The following CCSER1 variants were observed in gnomAD, a reference collection of about 807,000 sequenced individuals.
CCSER1 encodes the protein coiled-coil serine rich protein 1.
In CCSER1, 41 loss-of-function variants were observed where a neutral mutation model predicts 82.0. That is an observed-to-expected ratio of 0.50 (90% CI 0.39 to 0.65). The LOEUF (loss-of-function observed/expected upper bound fraction) is 0.65. Among genes scored for constraint, CCSER1 ranks in the 30% least tolerant of loss-of-function variants. The pLI is 0.00. For synonymous variants in CCSER1, 414 were observed against 383.9 expected (o/e 1.08, Z -0.92); for missense variants, 1,119 against 1,064.2 (o/e 1.05, Z -0.72).
intron 1 of CCSER1, among the ~76,000 whole-genome samples, chr4:90,188,831 T>C (rs1735106753): frequency 6.6e-6 from 1 of 151,876 alleles, no homozygotes; most frequent in Non-Finnish European, 1.5e-5. Context: ...ATATTAACAC[T>C]CTTCAAAGAG....
chr4:90,347,331 A>ATCTG (rs1190209902), intron 3 of CCSER1, among the ~76,000 whole-genome samples: 12 of 151,874 alleles, frequency 7.9e-5, no homozygotes, highest in African/African-American at 2.9e-4. Context: ...CTATCTATCT[A>ATCTG]TCTATCTATC....
At chr4:90,476,609 A>G (rs1441163842) in intron 5 of CCSER1, among the ~76,000 whole-genome samples, 1 of 152,118 alleles carries the variant, frequency 6.6e-6, no homozygotes, top group Non-Finnish European at 1.5e-5. Flanking sequence ...TCGCTGGTTT[A>G]TATATATTGA....
At chr4:91,304,413 A>G (rs1449768507) in intron 10 of CCSER1, among the ~76,000 whole-genome samples, 1 of 152,068 alleles carries the variant, frequency 6.6e-6, no homozygotes, top group Non-Finnish European at 1.5e-5. Flanking sequence ...TACATTAGTT[A>G]ACTTTGTCAG....
chr4:90,886,008 C>T (rs1003535326), intron 8 of CCSER1, among the ~76,000 whole-genome samples: 7 of 152,080 alleles, frequency 4.6e-5, no homozygotes, highest in African/African-American at 1.4e-4. Context: ...CCTCCTGCCC[C>T]CAAGAGCTGT....
At chr4:91,489,527 G>A (rs925136207) in intron 10 of CCSER1, among the ~76,000 whole-genome samples, 17 of 152,016 alleles carry the variant, frequency 1.1e-4, no homozygotes, top group Non-Finnish European at 1.2e-4. Flanking sequence ...TTCCTAGGCC[G>A]GGCACGGTGG....
intron 10 of CCSER1, among the ~76,000 whole-genome samples, chr4:91,182,754 A>G (rs1409365437): frequency 1.3e-5 from 2 of 152,236 alleles, no homozygotes; most frequent in Non-Finnish European, 2.9e-5. Context: ...TGTGTAGCCC[A>G]AAGTGAGAAA....
At chr4:91,022,436 T>TCA (rs1406348040) in intron 9 of CCSER1, among the ~76,000 whole-genome samples, 1 of 152,136 alleles carries the variant, frequency 6.6e-6, no homozygotes, top group Non-Finnish European at 1.5e-5. Flanking sequence ...TGGTTCCAAG[T>TCA]CTTTGCTATT....
chr4:90,571,532 G>A (rs1780118435), intron 5 of CCSER1, among the ~76,000 whole-genome samples: 1 of 152,064 alleles, frequency 6.6e-6, no homozygotes, highest in South Asian at 2.1e-4. Context: ...TGTATAAGTG[G>A]GACTTAAACC....
chr4:90,725,675 T>A (rs947667911), intron 7 of CCSER1, among the ~76,000 whole-genome samples: 1 of 151,658 alleles, frequency 6.6e-6, no homozygotes, highest in Non-Finnish European at 1.5e-5. Flanking sequence ...TGTAAATGAG[T>A]AATATAATAC....
chr4:90,644,239 A>G (rs1484729710), intron 6 of CCSER1, among the ~76,000 whole-genome samples: 1 of 152,176 alleles, frequency 6.6e-6, no homozygotes, highest in African/African-American at 2.4e-5. Context: ...AATGGGACAC[A>G]AGTCTAAACA....
intron 6 of CCSER1, among the ~76,000 whole-genome samples, chr4:90,661,129 A>T (rs1257339898): frequency 3.3e-5 from 5 of 152,200 alleles, no homozygotes; most frequent in African/African-American, 1.2e-4. Context: ...AAATAGTGTG[A>T]TAAACATTTT....
chr4:90,894,388 A>C (rs1407360763), intron 8 of CCSER1, among the ~76,000 whole-genome samples: 2 of 151,772 alleles, frequency 1.3e-5, no homozygotes, highest in African/African-American at 4.9e-5. Flanking sequence ...ATACTTATTT[A>C]CATGAAAGCA....
chr4:90,914,082 C>G (rs62312310), intron 8 of CCSER1, among the ~76,000 whole-genome samples: 21 of 152,190 alleles, frequency 1.4e-4, no homozygotes, highest in Middle Eastern at 3.4e-3. Context: ...TTAGACAGAT[C>G]AACAAGACAG....
intron 1 of CCSER1, among the ~76,000 whole-genome samples, chr4:90,161,379 ATAT>A (rs1729407897): frequency 6.6e-6 from 1 of 152,252 alleles, no homozygotes; most frequent in Admixed American, 6.5e-5. Context: ...TATGATTTGG[ATAT>A]TATTTTTATG....
intron 6 of CCSER1, among the ~76,000 whole-genome samples, chr4:90,709,434 G>T (rs1057074823): frequency 1.3e-5 from 2 of 151,628 alleles, no homozygotes; most frequent in African/African-American, 4.8e-5. Context: ...CTCTCTTCCC[G>T]CTCAAACCCC....
chr4:90,407,886 CAAAG>C (rs1753980908), intron 4 of CCSER1, among the ~76,000 whole-genome samples: 1 of 152,120 alleles, frequency 6.6e-6, no homozygotes, highest in Non-Finnish European at 1.5e-5. Context: ...CTTTCCTAGT[CAAAG>C]AAAGGGGTGA....
At chr4:91,148,375 G>T (rs1402103135) in intron 10 of CCSER1, among the ~76,000 whole-genome samples, 1 of 151,906 alleles carries the variant, frequency 6.6e-6, no homozygotes, top group Non-Finnish European at 1.5e-5. Context: ...GAGACAAACG[G>T]ACTTGATTCT....
chr4:90,484,761 C>T (rs187749335), intron 5 of CCSER1, among the ~76,000 whole-genome samples: 2 of 152,114 alleles, frequency 1.3e-5, no homozygotes, highest in South Asian at 2.1e-4. Context: ...ACCTGGCCGG[C>T]TGTGTGATAT....
At chr4:90,862,770 C>T (rs1765252077) in intron 8 of CCSER1, among the ~76,000 whole-genome samples, 1 of 151,828 alleles carries the variant, frequency 6.6e-6, no homozygotes, top group East Asian at 1.9e-4. Flanking sequence ...ATATTATGCA[C>T]TCAATAGACT....
Sources: allele counts gnomAD v4.1 joint callset (sites outside exome capture counted in the v4.1 genomes callset), GRCh38; gene constraint gnomAD v4.1.1; transcripts MANE v1.5; gene names NCBI Gene and HGNC (gene_info 2026-07-23, HGNC 2026-07-21).